The following CSMD1 variants were observed in gnomAD, a reference collection of about 807,000 sequenced individuals.
CSMD1 encodes CUB and sushi domain-containing protein 1.
CSMD1 carries 213 observed loss-of-function variants against 417.5 expected under a neutral mutation model. The observed-to-expected ratio is 0.51, with a 90% CI of 0.46 to 0.57. The LOEUF is 0.57. Among genes scored for constraint, CSMD1 ranks in the 20% least tolerant of loss-of-function variants. The probability of loss-of-function intolerance (pLI) is 0.00; values close to 1 mark genes in which losing one functional copy is unlikely to be tolerated. For missense variants in CSMD1, 6,923 were observed against 4,529.7 expected (o/e 1.53, Z -15.17); for synonymous variants, 2,862 against 1,736.8 (o/e 1.65, Z -16.11).
At chr8:4,660,895 C>A (rs1360550508) in intron 1 of CSMD1, among the ~76,000 whole-genome samples, 1 of 152,092 alleles carries the variant, frequency 6.6e-6, no homozygotes, top group Non-Finnish European at 1.5e-5. Context: ...TAGGGAAATG[C>A]AAATTACAAC....
At chr8:4,548,808 T>A (rs997312340) in intron 2 of CSMD1, among the ~76,000 whole-genome samples, 1 of 152,106 alleles carries the variant, frequency 6.6e-6, no homozygotes, top group African/African-American at 2.4e-5. Context: ...TGCAACAACC[T>A]GATATATGGA....
chr8:3,009,320 A>G (rs150968557), intron 52 of CSMD1, among the ~76,000 whole-genome samples: 3 of 152,334 alleles, frequency 2.0e-5, no homozygotes, highest in East Asian at 1.9e-4. Context: ...CAACCTCAGT[A>G]TTTGCTTTGT....
intron 6 of CSMD1, among the ~76,000 whole-genome samples, chr8:3,728,610 A>G (rs959011556): frequency 9.2e-5 from 14 of 152,328 alleles, no homozygotes; most frequent in African/African-American, 3.1e-4. Context: ...GAAAAAGGGC[A>G]TCTGTGGTAG....
chr8:4,452,331 A>G (rs952098039), intron 2 of CSMD1, among the ~76,000 whole-genome samples: 1 of 152,168 alleles, frequency 6.6e-6, no homozygotes, highest in Admixed American at 6.5e-5. Context: ...TTTGAAAGCA[A>G]TGGCTCTAAA....
chr8:4,706,529 C>T (rs895845286), intron 1 of CSMD1, among the ~76,000 whole-genome samples: 1 of 152,146 alleles, frequency 6.6e-6, no homozygotes, highest in Non-Finnish European at 1.5e-5. Flanking sequence ...CAACATATTT[C>T]ATAAACAAAT....
chr8:3,866,767 A>T (rs1442017368), intron 5 of CSMD1, among the ~76,000 whole-genome samples: 1 of 152,168 alleles, frequency 6.6e-6, no homozygotes, highest in Non-Finnish European at 1.5e-5. Context: ...ACATATGCAA[A>T]GTGAGGACTC....
In CSMD1 at chr8:3,287,961, T is replaced by C. The variant is rs939847627; in HGVS notation, c.3951-3615A>G. On this transcript the variant is annotated intron_variant, in intron 25 of 69. Transcript: ENST00000635120. Reference sequence around the variant, plus strand: ...GGTTTGTCATAGATAGCTCTTATTATTTTGAGATACGTCCCATCAATACCT... The same window carrying C: ...GGTTTGTCATAGATAGCTCTTATTACTTTGAGATACGTCCCATCAATACCT... Among the ~76,000 whole-genome samples, 6 of 146,776 alleles carry C rather than the reference T, an allele frequency of 4.1e-5. 2 individuals carry two copies. Among genetic ancestry groups the C allele is most frequent in the African/African-American group, 1.6e-4 (6 of 36,720 alleles).
chr8:4,805,481 G>C (rs142706727), intron 1 of CSMD1, among the ~76,000 whole-genome samples: 1 of 152,066 alleles, frequency 6.6e-6, no homozygotes, highest in Non-Finnish European at 1.5e-5. Context: ...CGAGAAGTCA[G>C]CGAGTGAAAC....
intron 3 of CSMD1, among the ~76,000 whole-genome samples, chr8:4,350,918 G>A (rs1415786527): frequency 6.6e-6 from 1 of 152,192 alleles, no homozygotes; most frequent in Non-Finnish European, 1.5e-5. Context: ...CGTGCTTACA[G>A]GACCGCCTTC....
chr8:3,438,359 T>C (rs1177877016), intron 12 of CSMD1, among the ~76,000 whole-genome samples: 1 of 152,126 alleles, frequency 6.6e-6, no homozygotes, highest in Non-Finnish European at 1.5e-5. Context: ...ACAGGTGAGA[T>C]ACAGAACATG....
At chr8:3,306,941 G>GTTCACATCA in intron 25 of CSMD1, among the ~76,000 whole-genome samples, 1 of 152,006 alleles carries the variant, frequency 6.6e-6, no homozygotes, top group Non-Finnish European at 1.5e-5. Flanking sequence ...TTGTTTAAAT[G>GTTCACATCA]TTCACATCAT....
At chr8:3,623,990 AC>A in intron 7 of CSMD1, among the ~76,000 whole-genome samples, 1 of 151,846 alleles carries the variant, frequency 6.6e-6, no homozygotes, top group East Asian at 1.9e-4. Flanking sequence ...ACAAAACAAA[AC>A]AAAAAAAAAA....
chr8:4,577,995 G>A (rs6999205), intron 2 of CSMD1, among the ~76,000 whole-genome samples: 18 of 152,066 alleles, frequency 1.2e-4, no homozygotes, highest in Non-Finnish European at 1.6e-4. Context: ...GGACTTTCGG[G>A]GATCACATAT....
chr8:4,187,358 G>C (rs748341247), intron 3 of CSMD1, among the ~76,000 whole-genome samples: 5 of 152,094 alleles, frequency 3.3e-5, no homozygotes, highest in Non-Finnish European at 7.4e-5. Flanking sequence ...GCATTAAGTA[G>C]CATTTGGGCC....
intron 5 of CSMD1, among the ~76,000 whole-genome samples, chr8:3,902,593 A>G (rs928985808): frequency 2.6e-5 from 4 of 152,072 alleles, no homozygotes; most frequent in Middle Eastern, 3.2e-3. Context: ...TCACGATCCT[A>G]TGAAAATCTA....
At chr8:4,313,331 A>C (rs1049857280) in intron 3 of CSMD1, among the ~76,000 whole-genome samples, 1 of 150,004 alleles carries the variant, frequency 6.7e-6, no homozygotes, top group Non-Finnish European at 1.5e-5. Context: ...GAGAGGGAGG[A>C]ATCCATCATG....
At chr8:4,126,938 G>A (rs557538199) in intron 3 of CSMD1, among the ~76,000 whole-genome samples, 1 of 152,104 alleles carries the variant, frequency 6.6e-6, no homozygotes, top group Non-Finnish European at 1.5e-5. Flanking sequence ...TCTGCTGGAA[G>A]AGACCCTGCA....
At chr8:4,535,318 T>C (rs929923034) in intron 2 of CSMD1, among the ~76,000 whole-genome samples, 4 of 152,292 alleles carry the variant, frequency 2.6e-5, no homozygotes, top group African/African-American at 9.6e-5. Flanking sequence ...AAAAATAATA[T>C]GTAGTTATAG....
chr8:4,101,344 C>T (rs189363048), intron 3 of CSMD1, among the ~76,000 whole-genome samples: 37 of 152,268 alleles, frequency 2.4e-4, no homozygotes, highest in African/African-American at 8.4e-4. Context: ...TGCAAATGGG[C>T]AGCCCTAACC....
Sources: gnomAD v4.1 joint callset for allele counts (sites outside exome capture counted in the v4.1 genomes callset) on GRCh38, gnomAD v4.1.1 for gene constraint, MANE v1.5 for transcripts, NCBI Gene and HGNC (gene_info 2026-07-23, HGNC 2026-07-21) for gene names.